NXPE2: variants seen among roughly 807,000 people sequenced by gnomAD.
NXPE2 encodes the protein neurexophilin and PC-esterase domain family member 2.
Under a neutral mutation model 34.4 loss-of-function variants are expected in NXPE2, and 34 were observed. The observed-to-expected ratio is 0.99, with a 90% CI of 0.75 to 1.31. The LOEUF is 1.31. NXPE2 is among the 40% of genes most tolerant of loss of function. The pLI is 0.00. For synonymous variants in NXPE2, 235 were observed against 231.3 expected (o/e 1.02, Z -0.15); for missense variants, 649 against 672.5 (o/e 0.97, Z 0.39).
the NXPE2 span, among the ~76,000 whole-genome samples, chr11:114,584,932 G>A: frequency 6.6e-6 from 1 of 152,110 alleles, no homozygotes; most frequent in African/African-American, 2.4e-5. Flanking sequence ...AAGCATAAAA[G>A]GCGCCAGGTC....
the NXPE2 span, among the ~76,000 whole-genome samples, chr11:114,504,787 G>A: frequency 3.8e-3 from 574 of 152,266 alleles, 3 homozygotes; most frequent in African/African-American, 0.011. Context: ...AATAATCAGC[G>A]CAAGGAATGC....
At chr11:114,666,364 C>G in the NXPE2 span, among the ~76,000 whole-genome samples, 1 of 152,028 alleles carries the variant, frequency 6.6e-6, no homozygotes, top group Admixed American at 6.6e-5. Context: ...TCCATAATTA[C>G]CCCAATTTGG....
chr11:114,513,624 CAT>C, the NXPE2 span, among the ~76,000 whole-genome samples: 11 of 152,270 alleles, frequency 7.2e-5, no homozygotes, highest in East Asian at 3.9e-4. Flanking sequence ...GAGTAAATCA[CAT>C]GAGTCAGTTG....
the NXPE2 span, among the ~76,000 whole-genome samples, chr11:114,628,019 G>A: frequency 6.6e-6 from 1 of 151,486 alleles, no homozygotes; most frequent in Admixed American, 6.6e-5. Flanking sequence ...GATTCATAAA[G>A]CAAGTCCTGA....
the NXPE2 span, among the ~76,000 whole-genome samples, chr11:114,772,389 T>C: frequency 6.6e-6 from 1 of 152,046 alleles, no homozygotes; most frequent in Admixed American, 6.5e-5. Context: ...AAAAAAAAAG[T>C]TCTGATTCTA....
At chr11:114,645,375 A>C in the NXPE2 span, among the ~76,000 whole-genome samples, 1 of 152,134 alleles carries the variant, frequency 6.6e-6, no homozygotes, top group Non-Finnish European at 1.5e-5. Context: ...TGCCTCTGCA[A>C]ATTCCAGGTA....
the NXPE2 span, among the ~76,000 whole-genome samples, chr11:114,732,083 C>G: frequency 1.3e-5 from 2 of 152,110 alleles, no homozygotes; most frequent in African/African-American, 4.8e-5. Context: ...TTTCATAACT[C>G]ATTTTCTTTT....
chr11:114,658,449 C>T, the NXPE2 span, among the ~76,000 whole-genome samples: 1 of 152,152 alleles, frequency 6.6e-6, no homozygotes, highest in East Asian at 1.9e-4. Flanking sequence ...ACTGGGCACT[C>T]ATGAGAAAGA....
the NXPE2 span, among the ~76,000 whole-genome samples, chr11:114,804,126 T>A: frequency 6.6e-6 from 1 of 152,230 alleles, no homozygotes; most frequent in Non-Finnish European, 1.5e-5. Flanking sequence ...CTGCAGCCTC[T>A]AAGACTGCTC....
the NXPE2 span, chr11:114,553,830 T>TCATTTCTTTCCA: frequency 2.1e-6 from 2 of 963,544 alleles, no homozygotes; most frequent in East Asian, 2.3e-4. Flanking sequence ...TCTTTCCAAC[T>TCATTTCTTTCCA]GCTCATTCAG....
At chr11:114,756,890 G>C in the NXPE2 span, among the ~76,000 whole-genome samples, 723 of 152,248 alleles carry the variant, frequency 4.7e-3, 13 homozygotes, top group African/African-American at 0.017. Context: ...CTGAGGTCTT[G>C]GTGGGTGTTC....
chr11:114,582,751 C>T, the NXPE2 span: 1 of 1,614,192 alleles, frequency 6.2e-7, no homozygotes, highest in South Asian at 1.1e-5. Flanking sequence ...TGGTCCCTCA[C>T]CTCCAGCAGG....
the NXPE2 span, among the ~76,000 whole-genome samples, chr11:114,625,812 G>A: frequency 3.1e-4 from 47 of 152,220 alleles, no homozygotes; most frequent in Middle Eastern, 3.4e-3. Context: ...AGGTCAGTGG[G>A]TGAGCACACC....
At chr11:114,629,790 A>T in the NXPE2 span, among the ~76,000 whole-genome samples, 1 of 151,044 alleles carries the variant, frequency 6.6e-6, no homozygotes, top group South Asian at 2.1e-4. Flanking sequence ...TCAGCCCAAA[A>T]TCTCCTCAAG....
the NXPE2 span, among the ~76,000 whole-genome samples, chr11:114,631,039 G>C: frequency 2.0e-5 from 3 of 151,676 alleles, no homozygotes; most frequent in African/African-American, 7.3e-5. Flanking sequence ...TGCTGGAGAG[G>C]ATGTGGAGAA....
the NXPE2 span, among the ~76,000 whole-genome samples, chr11:114,712,139 G>A: frequency 7.9e-5 from 12 of 151,944 alleles, no homozygotes; most frequent in Non-Finnish European, 1.5e-4. Flanking sequence ...ATCACTTCTC[G>A]GCCTTTTGGC....
At chr11:114,718,338 G>T in the NXPE2 span, among the ~76,000 whole-genome samples, 2 of 152,100 alleles carry the variant, frequency 1.3e-5, no homozygotes, top group African/African-American at 4.8e-5. Flanking sequence ...CGCATTGCAG[G>T]TACCCAATAA....
At chr11:114,689,804 G>C (rs1483491304) in intron 2 of NXPE2, among the ~76,000 whole-genome samples, 1 of 152,092 alleles carries the variant, frequency 6.6e-6, no homozygotes. Context: ...ATTTAGGATA[G>C]TTACATCTTC....
At chr11:114,699,908 C>G (rs1380811409) in intron 3 of NXPE2, among the ~76,000 whole-genome samples, 1 of 151,900 alleles carries the variant, frequency 6.6e-6, no homozygotes, top group Non-Finnish European at 1.5e-5. Context: ...ATTCTGCTGC[C>G]TCAGCCTCCT....
Sources: gnomAD v4.1 joint callset for allele counts (sites outside exome capture counted in the v4.1 genomes callset) on GRCh38, gnomAD v4.1.1 for gene constraint, MANE v1.5 for transcripts, NCBI Gene and HGNC (gene_info 2026-07-23, HGNC 2026-07-21) for gene names.